KIAA1217: variants seen among roughly 807,000 people sequenced by gnomAD.
KIAA1217 encodes sickle tail protein homolog.
In KIAA1217, 88 loss-of-function variants were observed where a neutral mutation model predicts 163.9. That is an observed-to-expected ratio of 0.54 (90% CI 0.45 to 0.64). The LOEUF is 0.64. Among genes scored for constraint, KIAA1217 ranks in the 30% least tolerant of loss-of-function variants. The pLI is 0.00. For missense variants in KIAA1217, 2,372 were observed against 2,475.0 expected (o/e 0.96, Z 0.88); for synonymous variants, 903 against 923.1 (o/e 0.98, Z 0.39).
intron 1 of KIAA1217, among the ~76,000 whole-genome samples, chr10:23,985,960 G>A (rs889222139): frequency 6.6e-6 from 1 of 152,172 alleles, no homozygotes; most frequent in Admixed American, 6.5e-5. Flanking sequence ...TGCCTTGTGC[G>A]TCCCATGGCA....
intron 1 of KIAA1217, among the ~76,000 whole-genome samples, chr10:24,218,562 C>T (rs1231186569): frequency 3.3e-5 from 5 of 151,636 alleles, no homozygotes; most frequent in African/African-American, 9.7e-5. Context: ...GATCTCGGCT[C>T]ACTGCAAGCT....
chr10:24,492,428 C>G (rs772462217), intron 6 of KIAA1217, among the ~76,000 whole-genome samples: 2 of 152,162 alleles, frequency 1.3e-5, no homozygotes, highest in Non-Finnish European at 2.9e-5. Flanking sequence ...GCAAATCACT[C>G]CGTGGAGATA....
chr10:24,195,687 G>A (rs2066952285), intron 2 of KIAA1217, among the ~76,000 whole-genome samples: 2 of 152,164 alleles, frequency 1.3e-5, no homozygotes, highest in South Asian at 2.1e-4. Flanking sequence ...TTTTTAATCC[G>A]CCAGGAAAGG....
At chr10:24,034,981 G>A (rs1279871371) in intron 2 of KIAA1217, among the ~76,000 whole-genome samples, 1 of 152,232 alleles carries the variant, frequency 6.6e-6, no homozygotes, top group Non-Finnish European at 1.5e-5. Flanking sequence ...CAAGATGACA[G>A]AGGCACTCTT....
At chr10:23,834,137 C>T (rs1230890279) in intron 1 of KIAA1217, among the ~76,000 whole-genome samples, 1 of 152,096 alleles carries the variant, frequency 6.6e-6, no homozygotes, top group Non-Finnish European at 1.5e-5. Flanking sequence ...TTCATAGGCT[C>T]ATTTTGAGTG....
chr10:24,195,526 G>A lies in KIAA1217; in HGVS notation c.-170-24100G>A, dbSNP rs868851339. On this transcript the variant is annotated intron_variant, in intron 2 of 18. Transcript: ENST00000376462. ...TTAATTGTTGGGACTGGGGATAAGC[G>A]TTTCTGTTTCAGGACTTCTACCTCC... Among the ~76,000 whole-genome samples, 12 of 152,154 alleles carry A rather than the reference G, an allele frequency of 7.9e-5. No homozygotes were observed. In the East Asian group the frequency reaches 1.7e-3, roughly 22 times the overall value.
intron 2 of KIAA1217, among the ~76,000 whole-genome samples, chr10:24,116,448 G>A (rs1038933684): frequency 2.6e-5 from 4 of 152,066 alleles, no homozygotes; most frequent in Admixed American, 6.5e-5. Flanking sequence ...GAAAACAGCT[G>A]TAGACAATAT....
At chr10:24,453,345 C>G (rs149965171) in intron 5 of KIAA1217, among the ~76,000 whole-genome samples, 1,578 of 152,338 alleles carry the variant, frequency 0.01, 11 homozygotes, top group Non-Finnish European at 0.015. Flanking sequence ...GAAAGCAGGA[C>G]AACTCTCTTT....
At chr10:24,362,773 G>A (rs2134268788) in intron 2 of KIAA1217, among the ~76,000 whole-genome samples, 1 of 152,298 alleles carries the variant, frequency 6.6e-6, no homozygotes, top group African/African-American at 2.4e-5. Context: ...GGCCAGGGTA[G>A]GCAGATCACT....
intron 1 of KIAA1217, among the ~76,000 whole-genome samples, chr10:23,944,966 G>A (rs1039553990): frequency 6.6e-6 from 1 of 151,602 alleles, no homozygotes; most frequent in African/African-American, 2.4e-5. Flanking sequence ...GGCTGAGACA[G>A]GAGAATCGCT....
Position 24,501,366 on chromosome 10 carries a change from A to C in KIAA1217, c.1835-13A>C. The C allele has an allele frequency of 1.9e-6, 3 of 1,601,138 alleles. No individual in the cohort carries two copies. The highest frequency in any genetic ancestry group is 2.6e-6 in the Non-Finnish European group (3 of 1,169,684). ...TGTGGCCTTCTGAGTTCTCTGATGC[A>C]CTTTTCTCATAGGAACGCCCCATGT... is the stretch of plus-strand genomic sequence containing the variant. On this transcript the variant is annotated splice_polypyrimidine_tract_variant and intron_variant, in intron 8 of 20. Transcript: ENST00000376454.
At chr10:24,150,506 T>G (rs959107367) in intron 2 of KIAA1217, among the ~76,000 whole-genome samples, 1 of 152,204 alleles carries the variant, frequency 6.6e-6, no homozygotes, top group Non-Finnish European at 1.5e-5. Context: ...TTTGAAGCCA[T>G]CCTGGAGGAG....
At chr10:23,774,692 A>G (rs1834935692) in intron 1 of KIAA1217, among the ~76,000 whole-genome samples, 1 of 152,106 alleles carries the variant, frequency 6.6e-6, no homozygotes, top group African/African-American at 2.4e-5. Context: ...AAGACTGTTC[A>G]TGGAGGGAAA....
chr10:24,372,801 A>G (rs149784447), intron 2 of KIAA1217, among the ~76,000 whole-genome samples: 1 of 152,348 alleles, frequency 6.6e-6, no homozygotes, highest in African/African-American at 2.4e-5. Context: ...TAGAGTACAC[A>G]GACATTGTAA....
chr10:23,911,765 C>T (rs373716154), intron 1 of KIAA1217, among the ~76,000 whole-genome samples: 147 of 152,118 alleles, frequency 9.7e-4, no homozygotes, highest in Non-Finnish European at 1.6e-3. Flanking sequence ...TTAAGATGGC[C>T]GAGGACATGT....
At position 24,473,996 on chromosome 10, in the gene KIAA1217, C is replaced by T; in HGVS notation, c.1615C>T (p.Pro539Ser). The part of the protein sequence containing the change: ...GLSSLVDLGP[P>S]LMEKQVFAYS... ...ATCCAGCCTTGTAGACCTCGGCCCTCCTCTAATGGAGAAGCAAGTTTTTGC... is the reference window on the plus strand; with the variant it reads ...ATCCAGCCTTGTAGACCTCGGCCCTTCTCTAATGGAGAAGCAAGTTTTTGC... Residue 539 changes from proline to serine, a missense_variant, in exon 6 of 21, where the codon CCT becomes TCT. Pro to Ser is a moderately conservative substitution (Grantham distance 74). Around this residue, in one of 3 missense-constraint regions of KIAA1217, gnomAD observed 1,431 missense variants for 1,470.3 expected, o/e 0.97. Transcript: ENST00000376454. 3.7e-6 allele frequency: 6 copies of T among 1,612,984 alleles called. No homozygotes were observed. Among genetic ancestry groups the T allele is most frequent in the Non-Finnish European group, 5.1e-6 (6 of 1,179,312 alleles).
chr10:24,424,893 G>T (rs866889463), intron 3 of KIAA1217, among the ~76,000 whole-genome samples: 4 of 152,094 alleles, frequency 2.6e-5, no homozygotes, highest in Non-Finnish European at 5.9e-5. Flanking sequence ...GAGCCACCGC[G>T]CCCGGCCTCT....
At chr10:24,271,373 T>C (rs953597097) in intron 2 of KIAA1217, among the ~76,000 whole-genome samples, 3 of 152,156 alleles carry the variant, frequency 2.0e-5, no homozygotes, top group African/African-American at 7.2e-5. Flanking sequence ...TGAATCTTGA[T>C]TGAGATTCCA....
chr10:24,357,637 T>C (rs1356580217), intron 2 of KIAA1217, among the ~76,000 whole-genome samples: 1 of 152,214 alleles, frequency 6.6e-6, no homozygotes, highest in Non-Finnish European at 1.5e-5. Context: ...AGCTCTTTTT[T>C]TCTTGGGGGG....
Sources: allele counts gnomAD v4.1 joint callset (sites outside exome capture counted in the v4.1 genomes callset), GRCh38; gene constraint gnomAD v4.1.1; regional missense constraint gnomAD v4.1.1; transcripts MANE v1.5; gene names NCBI Gene and HGNC (gene_info 2026-07-23, HGNC 2026-07-21).